FTHL17: variants seen among roughly 807,000 people sequenced by gnomAD.
FTHL17 encodes ferritin heavy chain like 17.
For missense variants in FTHL17, 146 were observed against 156.7 expected (o/e 0.93, Z 0.37); for synonymous variants, 85 against 76.6 (o/e 1.11, Z -0.58).
rs1230487836 is a variant in FTHL17 at position 31,071,674 on chromosome X, A to C, written c.280T>G (p.Trp94Gly). 2.5e-6 allele frequency: 3 copies of C among 1,210,133 alleles called. No individual in the cohort carries two copies. The highest frequency in any genetic ancestry group is 1.1e-6 in the Non-Finnish European group (1 of 895,179). ...HDIRKPECQG[W>G]ESGLVAMESA... ...TCCATGGCCACGAGCCCGCTCTCCC[A>C]GCCTTGGCACTCTGGCTTCCTGATA... Residue 94 changes from tryptophan to glycine, a missense_variant, in exon 1 of 1, where the codon TGG (tryptophan) becomes GGG (glycine). Coordinates refer to ENST00000359202, the MANE Select transcript of FTHL17 (RefSeq NM_031894.3).
In FTHL17 at chrX:31,072,004, C is replaced by A. The variant is rs367688767; in HGVS notation, c.-51G>T. On this transcript the variant is annotated 5_prime_UTR_variant, in exon 1 of 1. Coordinates refer to ENST00000359202, the MANE Select transcript of FTHL17 (RefSeq NM_031894.3). Reference sequence around the variant, plus strand: ...CACACGGGCGAAGTCGGTGCGGTAGCGAGGGCAGCAGCTGAGGTGACAAGA... The same window carrying A: ...CACACGGGCGAAGTCGGTGCGGTAGAGAGGGCAGCAGCTGAGGTGACAAGA... 27 of 1,009,838 alleles carry A rather than the reference C, an allele frequency of 2.7e-5. No individual in the cohort carries two copies. In the East Asian group the frequency reaches 8.3e-4, roughly 31 times the overall value. The allele number at this position is 1,009,838 out of a possible 1,213,427, so 83.2% of individuals were successfully genotyped here.
Position 31,071,646 on chromosome X carries a change from G to C in FTHL17, c.308C>G (p.Ser103Cys). 8.3e-7 allele frequency: 1 copy of C among 1,211,354 alleles called. No individual in the cohort carries two copies. Among genetic ancestry groups the C allele is most frequent in the Middle Eastern group, 2.3e-4 (1 of 4,337 alleles). ...GWESGLVAME[S>C]AFHLEKNVNQ... ...GACGTTCTTCTCCAGGTGGAAGGCG[G>C]ACTCCATGGCCACGAGCCCGCTCTC... Residue 103 changes from serine to cysteine, a missense_variant, in exon 1 of 1, where the codon TCC becomes TGC. Ser to Cys is a moderately radical substitution (Grantham distance 112). Coordinates refer to ENST00000359202, the MANE Select transcript of FTHL17 (RefSeq NM_031894.3).
At position 31,071,888 on chromosome X, in the gene FTHL17, G is replaced by A; in HGVS notation, c.66C>T (p.Asn22=). 8.3e-7 allele frequency: 1 copy of A among 1,203,183 alleles called. No homozygotes were observed. The change falls in exon 1 of 1, where the codon AAC becomes AAT. Residue 22 remains asparagine, a synonymous_variant. Transcript: ENST00000359202. ...KYDTNCDAAI[N]SHITLELYTS... The stretch of plus-strand genomic sequence containing the variant: ...TGTAGAGCTCCAGCGTGATGTGGCT[G>A]TTGATGGCGGCGTCGCAGTTGGTGT...
chrX:31,071,366 G>A lies in FTHL17; in HGVS notation c.*36C>T, dbSNP rs751828046. 1.8e-6 allele frequency: 2 copies of A among 1,137,924 alleles called. No homozygotes were observed. The highest frequency in any genetic ancestry group is 2.4e-6 in the Non-Finnish European group (2 of 835,532). The allele number at this position is 1,137,924 out of a possible 1,213,427, so 93.8% of individuals were successfully genotyped here. A position where few individuals can be genotyped will look rare whatever the true frequency, so the allele number is the denominator to read the frequency against. On this transcript the variant is annotated 3_prime_UTR_variant, in exon 1 of 1. Transcript: ENST00000359202. The stretch of plus-strand genomic sequence containing the variant: ...ACGCCCCGCCTAGTGGCCTGACCCA[G>A]GGAAGGGACCCCGTGGCTGTGGGGC...
chrX:31,071,634 A>T lies in FTHL17; in HGVS notation c.320T>A (p.Leu107Gln). Reference protein sequence around the residue: ...GLVAMESAFHLEKNVNQSLLD... With the variant: ...GLVAMESAFHQEKNVNQSLLD... ...CAGGCTCTGGTTGACGTTCTTCTCC[A>T]GGTGGAAGGCGGACTCCATGGCCAC... The change falls in exon 1 of 1, where the codon CTG becomes CAG. Residue 107 changes from leucine to glutamine, a missense_variant. By Grantham distance (113) the Leu-to-Gln change is moderately radical. Transcript: ENST00000359202. 1 of 1,211,332 alleles carries T rather than the reference A, an allele frequency of 8.3e-7. No homozygotes were observed. The highest frequency in any genetic ancestry group is 1.1e-6 in the Non-Finnish European group (1 of 895,086).
Position 31,072,005 on chromosome X carries a change from G to A in FTHL17, c.-52C>T, listed in dbSNP as rs757463494. 167 of 994,878 alleles carry A rather than the reference G, an allele frequency of 1.7e-4. No individual in the cohort carries two copies. The highest frequency in any genetic ancestry group is 2.2e-4 in the Non-Finnish European group (159 of 713,600). The allele number at this position is 994,878 out of a possible 1,213,427, so 82.0% of individuals were successfully genotyped here. ...ACACGGGCGAAGTCGGTGCGGTAGC[G>A]AGGGCAGCAGCTGAGGTGACAAGAA... On this transcript the variant is annotated 5_prime_UTR_variant, in exon 1 of 1. Transcript: ENST00000359202.
At position 31,071,321 on chromosome X, in the gene FTHL17, G is replaced by C. The variant is rs1384682385; in HGVS notation, c.*81C>G. On this transcript the variant is annotated 3_prime_UTR_variant, in exon 1 of 1. Transcript: ENST00000359202. ...ACTGAAAGATAAAACTGAAGAGAAC[G>C]TTCTGAAAGGGCAACATGCACGCCC... The C allele has an allele frequency of 2.6e-6, 2 of 755,142 alleles. No individual in the cohort carries two copies. Among genetic ancestry groups the C allele is most frequent in the Non-Finnish European group, 3.9e-6 (2 of 511,661 alleles). 62.2% of individuals were successfully genotyped at this position (755,142 alleles called of 1,213,427 possible).
chrX:31,071,416 C>T lies in FTHL17; in HGVS notation c.538G>A (p.Val180Ile), dbSNP rs1412262062. ...LFDKLTLGGRVKET is the reference protein window; with the variant it reads ...LFDKLTLGGRIKET Reference sequence around the variant, plus strand: ...CCCATCTGGGCTCAAGTCTCTTTGACGCGGCCGCCCAGGGTGAGCTTGTCG... The same window carrying T: ...CCCATCTGGGCTCAAGTCTCTTTGATGCGGCCGCCCAGGGTGAGCTTGTCG... The change falls in exon 1 of 1, where the codon GTC becomes ATC. Residue 180 changes from valine to isoleucine, a missense_variant. Val to Ile is a conservative substitution (Grantham distance 29). Transcript: ENST00000359202. The T allele has an allele frequency of 1.7e-6, 2 of 1,208,769 alleles. No individual in the cohort carries two copies. The highest frequency in any genetic ancestry group is 3.6e-5 in the South Asian group (2 of 56,330).
In FTHL17 at chrX:31,071,459, G is replaced by A; in HGVS notation, c.495C>T (p.Gly165=). The change falls in exon 1 of 1, where the codon GGC becomes GGT. Residue 165 remains glycine (G), a synonymous_variant. Transcript: ENST00000359202. ...NLRKICSPEA[G]LAEYLFDKLT... is the part of the protein sequence containing the mutation. ...GCTTGTCGAACAGGTACTCAGCCAG[G>A]CCGGCTTCCGGGGAACAAATCTTGC... 8.3e-7 allele frequency: 1 copy of A among 1,211,679 alleles called. No individual in the cohort carries two copies. Among genetic ancestry groups the A allele is most frequent in the Non-Finnish European group, 1.1e-6 (1 of 895,358 alleles).
In FTHL17 at chrX:31,071,981, C is replaced by A. The variant is rs112525239; in HGVS notation, c.-28G>T. The A allele has an allele frequency of 8.6e-7, 1 of 1,165,257 alleles. No individual in the cohort carries two copies. ...CGGGCAGCGCAAGTGCAGGCGAGCACACGGGCGAAGTCGGTGCGGTAGCGA... is the reference window on the plus strand; with the variant it reads ...CGGGCAGCGCAAGTGCAGGCGAGCAAACGGGCGAAGTCGGTGCGGTAGCGA... On this transcript the variant is annotated 5_prime_UTR_variant, in exon 1 of 1. Transcript: ENST00000359202.
chrX:31,071,305 TA>T lies in FTHL17; in HGVS notation c.*96del. The stretch of plus-strand genomic sequence containing the variant: ...TGCTAACAATGGTAAAACTGAAAGA[TA>T]AAACTGAAGAGAACGTTCTGAAAGG... On this transcript the variant is annotated 3_prime_UTR_variant, in exon 1 of 1. Coordinates refer to ENST00000359202, the MANE Select transcript of FTHL17 (RefSeq NM_031894.3). 1 of 680,452 alleles carries T rather than the reference TA, an allele frequency of 1.5e-6. No individual in the cohort carries two copies. Among genetic ancestry groups the T allele is most frequent in the Non-Finnish European group, 2.2e-6 (1 of 451,328 alleles). The allele number at this position is 680,452 out of a possible 1,213,427, so 56.1% of individuals were successfully genotyped here.
Position 31,071,233 on chromosome X carries a change from T to G in FTHL17, c.*169A>C. 2.2e-6 allele frequency: 1 copy of G among 448,017 alleles called. No individual in the cohort carries two copies. Among genetic ancestry groups the G allele is most frequent in the South Asian group, 3.6e-5 (1 of 27,728 alleles). 36.9% of individuals were successfully genotyped at this position (448,017 alleles called of 1,213,427 possible). A position where few individuals can be genotyped will look rare whatever the true frequency, so the allele number is the denominator to read the frequency against. On this transcript the variant is annotated 3_prime_UTR_variant, in exon 1 of 1. Transcript: ENST00000359202. ...ATTCCTAAAAGGTGAGAGTTGCAGG[T>G]GTATCAAATGGACACCTTTATTGCT...
chrX:31,071,417 G>A lies in FTHL17; in HGVS notation c.537C>T (p.Arg179=), dbSNP rs757667380. The A allele has an allele frequency of 2.8e-5, 34 of 1,207,952 alleles. No homozygotes were observed. The African/African-American group carries it at 5.1e-4, about 18-fold the overall frequency. ...YLFDKLTLGG[R]VKET ...CCATCTGGGCTCAAGTCTCTTTGACGCGGCCGCCCAGGGTGAGCTTGTCGA... is the reference window on the plus strand; with the variant it reads ...CCATCTGGGCTCAAGTCTCTTTGACACGGCCGCCCAGGGTGAGCTTGTCGA... Residue 179 remains arginine (R), a synonymous_variant, in exon 1 of 1, where the codon CGC becomes CGT. Coordinates refer to ENST00000359202, the MANE Select transcript of FTHL17 (RefSeq NM_031894.3).
chrX:31,071,330 G>T lies in FTHL17; in HGVS notation c.*72C>A. The T allele has an allele frequency of 1.2e-6, 1 of 824,298 alleles. No individual in the cohort carries two copies. Among genetic ancestry groups the T allele is most frequent in the Non-Finnish European group, 1.8e-6 (1 of 569,291 alleles). The allele number at this position is 824,298 out of a possible 1,213,427, so 67.9% of individuals were successfully genotyped here. ...TAAAACTGAAGAGAACGTTCTGAAA[G>T]GGCAACATGCACGCCCCGCCTAGTG... On this transcript the variant is annotated 3_prime_UTR_variant, in exon 1 of 1. Transcript: ENST00000359202.
chrX:31,071,562 C>A lies in FTHL17; in HGVS notation c.392G>T (p.Cys131Phe). ...CAGGTAGTGGCTCTCCAGGAAGTGG[C>A]ACAGCTGGGGGTCGCCCTTCTCCAC... ...LAVEKGDPQL[C>F]HFLESHYLHE... Residue 131 changes from cysteine (C) to phenylalanine (F), a missense_variant, in exon 1 of 1, where the codon TGC (cysteine) becomes TTC (phenylalanine). Physicochemically the swap from Cys to Phe is radical, Grantham distance 205 (BLOSUM62 -2). Transcript: ENST00000359202. 8.3e-7 allele frequency: 1 copy of A among 1,211,968 alleles called. No individual in the cohort carries two copies.
In FTHL17 at chrX:31,071,582, C is replaced by T. The variant is rs754539351; in HGVS notation, c.372G>A (p.Glu124=). Residue 124 remains glutamate, a synonymous_variant, in exon 1 of 1, where the codon GAG becomes GAA. Transcript: ENST00000359202. ...AGTGGCACAGCTGGGGGTCGCCCTTCTCCACGGCCAGCTGGTACAGATCCA... is the reference window on the plus strand; with the variant it reads ...AGTGGCACAGCTGGGGGTCGCCCTTTTCCACGGCCAGCTGGTACAGATCCA... ...SLLDLYQLAV[E]KGDPQLCHFL... is the part of the protein sequence containing the mutation. 1 of 1,210,004 alleles carries T rather than the reference C, an allele frequency of 8.3e-7. No individual in the cohort carries two copies. Among genetic ancestry groups the T allele is most frequent in the African/African-American group, 1.7e-5 (1 of 57,164 alleles).
Position 31,071,445 on chromosome X carries a change from A to T in FTHL17, c.509T>A (p.Leu170Gln). 1 of 1,211,928 alleles carries T rather than the reference A, an allele frequency of 8.3e-7. No homozygotes were observed. The highest frequency in any genetic ancestry group is 1.1e-6 in the Non-Finnish European group (1 of 895,439). ...GCCGCCCAGGGTGAGCTTGTCGAAC[A>T]GGTACTCAGCCAGGCCGGCTTCCGG... ...CSPEAGLAEY[L>Q]FDKLTLGGRV... The change falls in exon 1 of 1, where the codon CTG (leucine) becomes CAG (glutamine). Residue 170 changes from leucine (L) to glutamine (Q), a missense_variant. By Grantham distance (113) the Leu-to-Gln change is moderately radical. Transcript: ENST00000359202.
Position 31,071,558 on chromosome X carries a change from G to A in FTHL17, c.396C>T (p.His132=). Residue 132 remains histidine, a synonymous_variant, in exon 1 of 1, where the codon CAC becomes CAT. Transcript: ENST00000359202. ...CGTGCAGGTAGTGGCTCTCCAGGAA[G>A]TGGCACAGCTGGGGGTCGCCCTTCT... ...AVEKGDPQLC[H]FLESHYLHEQ... The A allele has an allele frequency of 8.3e-7, 1 of 1,212,048 alleles. No individual in the cohort carries two copies. Among genetic ancestry groups the A allele is most frequent in the African/African-American group, 1.7e-5 (1 of 57,891 alleles).
In FTHL17 at chrX:31,072,015, G is replaced by T. The variant is rs1601890813; in HGVS notation, c.-62C>A. On this transcript the variant is annotated 5_prime_UTR_variant, in exon 1 of 1. In the 5' UTR this introduces an upstream ATG that the reference lacks. Coordinates refer to ENST00000359202, the MANE Select transcript of FTHL17 (RefSeq NM_031894.3). ...AGTCGGTGCGGTAGCGAGGGCAGCA[G>T]CTGAGGTGACAAGAATGGCGGATAG... 8.5e-6 allele frequency: 8 copies of T among 939,440 alleles called. No homozygotes were observed. The South Asian group carries it at 1.8e-4, about 21-fold the overall frequency. The allele number at this position is 939,440 out of a possible 1,213,427, so 77.4% of individuals were successfully genotyped here.
Sources: gnomAD v4.1 joint callset for allele counts on GRCh38, gnomAD v4.1.1 for gene constraint, MANE v1.5 for transcripts, NCBI Gene and HGNC (gene_info 2026-07-23, HGNC 2026-07-21) for gene names.